Variants in EHMT1 observed in about 807,000 individuals in gnomAD.
EHMT1 encodes the protein euchromatic histone lysine methyltransferase 1.
EHMT1 carries 15 observed loss-of-function variants against 147.2 expected under a neutral mutation model. That is an observed-to-expected ratio of 0.10 (90% CI 0.07 to 0.16). The LOEUF is 0.16. Among genes scored for constraint, EHMT1 ranks in the 10% least tolerant of loss-of-function variants. EHMT1 has a pLI of 1.00. For missense variants in EHMT1, 1,587 were observed against 1,772.4 expected (o/e 0.90, Z 1.88); for synonymous variants, 795 against 709.6 (o/e 1.12, Z -1.91).
In EHMT1 at chr9:137,815,938, T is replaced by G. The variant is rs761418994; in HGVS notation, c.3259-9T>G. 3.1e-6 allele frequency: 5 copies of G among 1,596,766 alleles called. No individual in the cohort carries two copies. Among genetic ancestry groups the G allele is most frequent in the Admixed American group, 1.7e-5 (1 of 57,724 alleles). On this transcript the variant is annotated splice_polypyrimidine_tract_variant and intron_variant, in intron 22 of 26. Transcript: ENST00000460843. Reference sequence around the variant, plus strand: ...CTCTGCTGGGCCCTTGCTGCTCATCTGTCCACAGGATGGCCGGCTCCTGCC... The same window carrying G: ...CTCTGCTGGGCCCTTGCTGCTCATCGGTCCACAGGATGGCCGGCTCCTGCC...
rs542193492 is a variant in EHMT1, at chr9:137,752,201, G to T, written c.1171-130G>T. 6.8e-5 allele frequency: 78 copies of T among 1,143,538 alleles called. No homozygotes were observed. The East Asian group carries it at 2.0e-3, about 29-fold the overall frequency. The allele number at this position is 1,143,538 out of a possible 1,614,324, so 70.8% of individuals were successfully genotyped here. On this transcript the variant is annotated intron_variant, in intron 6 of 26. Coordinates refer to ENST00000460843, the MANE Select transcript of EHMT1 (RefSeq NM_024757.5). ...AGCAGGCCGGCGGCGCCCCCGCCCC[G>T]CGAGCGTCTCCGGCGTGTGCGGCCA... is the stretch of plus-strand genomic sequence containing the variant.
intron 9 of EHMT1, 151 bp downstream of exon 9, chr9:137,758,162 G>C (rs1334856770): frequency 1.8e-6 from 2 of 1,100,686 alleles, no homozygotes; most frequent in Non-Finnish European, 1.4e-6. Flanking sequence ...GACAGGATGG[G>C]GTGCGTTTGC....
At chr9:137,649,631 G>C (rs935647619) in intron 1 of EHMT1, among the ~76,000 whole-genome samples, 1 of 152,122 alleles carries the variant, frequency 6.6e-6, no homozygotes, top group Non-Finnish European at 1.5e-5. Context: ...TTAGTGACTG[G>C]TGTCCATAAG....
intron 2 of EHMT1, chr9:137,715,634 G>A: frequency 1.0e-6 from 1 of 985,462 alleles, no homozygotes; most frequent in Non-Finnish European, 1.2e-6. Flanking sequence ...GTCCTGAGCT[G>A]AGTGTGTGTG....
chr9:137,722,521 G>C (rs9410123), intron 3 of EHMT1, among the ~76,000 whole-genome samples: 16,650 of 152,258 alleles, frequency 0.11, 2,910 homozygotes, highest in African/African-American at 0.37. Context: ...GGAGAAGGAG[G>C]GGGTGGACTG....
chr9:137,768,440 G>A (rs1225613195), intron 10 of EHMT1, among the ~76,000 whole-genome samples: 1 of 138,202 alleles, frequency 7.2e-6, no homozygotes, highest in Non-Finnish European at 1.5e-5. Flanking sequence ...TGCAATCGCT[G>A]CCTCCCAGGT....
chr9:137,629,189 T>C (rs11137157), intron 1 of EHMT1, among the ~76,000 whole-genome samples: 22,504 of 150,494 alleles, frequency 0.15, 1,961 homozygotes, highest in Admixed American at 0.3. Context: ...GCCTCCCAGG[T>C]TCAAGCGATT....
intron 18 of EHMT1, among the ~76,000 whole-genome samples, chr9:137,803,884 C>G (rs1226117677): frequency 6.6e-6 from 1 of 151,698 alleles, no homozygotes; most frequent in African/African-American, 2.4e-5. Context: ...AGTGATTGTA[C>G]CATCTCTAGT....
At chr9:137,740,057 C>T (rs571266381) in intron 4 of EHMT1, among the ~76,000 whole-genome samples, 1 of 152,248 alleles carries the variant, frequency 6.6e-6, no homozygotes, top group African/African-American at 2.4e-5. Flanking sequence ...GCTTTTTTCC[C>T]TCACTTCCAA....
chr9:137,813,354 C>T lies in EHMT1; in HGVS notation c.3036-32C>T, dbSNP rs1289087711. 3 of 1,600,774 alleles carry T rather than the reference C, an allele frequency of 1.9e-6. No homozygotes were observed. The South Asian group carries it at 3.4e-5, about 18-fold the overall frequency. On this transcript the variant is annotated intron_variant, in intron 20 of 26. Coordinates refer to ENST00000460843, the MANE Select transcript of EHMT1 (RefSeq NM_024757.5). This position sits in a 1 kb window ranked among gnomAD's most constrained non-coding sequence, Gnocchi z 4.9. Reference sequence around the variant, plus strand: ...CCACCCCCTGGGCAGAGCACGTCAGCCACCAGGTGACACCTGTCCTTTCCA... The same window carrying T: ...CCACCCCCTGGGCAGAGCACGTCAGTCACCAGGTGACACCTGTCCTTTCCA...
At chr9:137,791,402 A>G (rs1367096444) in intron 16 of EHMT1, among the ~76,000 whole-genome samples, 1 of 152,222 alleles carries the variant, frequency 6.6e-6, no homozygotes, top group Non-Finnish European at 1.5e-5. Flanking sequence ...TAACAAAACC[A>G]ATTCAGCAAA....
At chr9:137,647,179 C>T (rs764674810) in intron 1 of EHMT1, among the ~76,000 whole-genome samples, 2 of 152,120 alleles carry the variant, frequency 1.3e-5, no homozygotes, top group African/African-American at 4.8e-5. Context: ...TTGACGTGCC[C>T]GAAGTCCCAG....
At chr9:137,755,025 A>C (rs1949272571) in intron 8 of EHMT1, among the ~76,000 whole-genome samples, 1 of 152,208 alleles carries the variant, frequency 6.6e-6, no homozygotes, top group South Asian at 2.1e-4. Context: ...TCAAACCCAG[A>C]AGGGATGCAG....
chr9:137,774,849 G>A (rs2136641128), intron 10 of EHMT1, among the ~76,000 whole-genome samples: 1 of 152,352 alleles, frequency 6.6e-6, no homozygotes, highest in East Asian at 1.9e-4. Flanking sequence ...CACTGGACCT[G>A]CTCATGTGCC....
chr9:137,642,036 C>T (rs1009895981), intron 1 of EHMT1, among the ~76,000 whole-genome samples: 2 of 151,436 alleles, frequency 1.3e-5, no homozygotes, highest in African/African-American at 2.4e-5. Flanking sequence ...GACGGAGTTT[C>T]GTCAAGTTGG....
At chr9:137,658,948 T>C (rs1938776124) in intron 1 of EHMT1, among the ~76,000 whole-genome samples, 1 of 152,166 alleles carries the variant, frequency 6.6e-6, no homozygotes, top group Non-Finnish European at 1.5e-5. Context: ...TGGTTGTCTT[T>C]TCTCTTGGGC....
At chr9:137,639,763 A>G (rs1324765622) in intron 1 of EHMT1, among the ~76,000 whole-genome samples, 2 of 152,110 alleles carry the variant, frequency 1.3e-5, no homozygotes, top group African/African-American at 2.4e-5. Flanking sequence ...CAGTTGAATC[A>G]TATATATGTA....
intron 4 of EHMT1, among the ~76,000 whole-genome samples, chr9:137,733,601 T>A (rs1947296999): frequency 6.6e-6 from 1 of 152,186 alleles, no homozygotes; most frequent in African/African-American, 2.4e-5. Context: ...GCGGTGTTCC[T>A]GGAACAGTGT....
At chr9:137,640,803 CAGAA>C (rs1844429057) in intron 1 of EHMT1, among the ~76,000 whole-genome samples, 1 of 152,110 alleles carries the variant, frequency 6.6e-6, no homozygotes, top group African/African-American at 2.4e-5. Flanking sequence ...GAGTTTGAAA[CAGAA>C]AGAGGTAGAG....
Sources: gnomAD v4.1 joint callset for allele counts (sites outside exome capture counted in the v4.1 genomes callset) on GRCh38, gnomAD v4.1.1 for gene constraint, Gnocchi (gnomAD v3.1) non-coding constraint, MANE v1.5 for transcripts, NCBI Gene and HGNC (gene_info 2026-07-23, HGNC 2026-07-21) for gene names.